The following SLC38A4 variants were observed in gnomAD, a reference collection of about 807,000 sequenced individuals.
SLC38A4 encodes solute carrier family 38 member 4.
In SLC38A4, 20 loss-of-function variants were observed where a neutral mutation model predicts 63.1. The ratio of observed to expected loss-of-function variants is 0.32; its 90% CI spans 0.22 to 0.46. The LOEUF is 0.46. Among genes scored for constraint, SLC38A4 ranks in the 20% least tolerant of loss-of-function variants. The pLI is 1.00. For missense variants in SLC38A4, 526 were observed against 663.6 expected, an observed-to-expected ratio of 0.79 and a Z score of 2.28; for synonymous variants, 230 against 225.5, an observed-to-expected ratio of 1.02 and a Z score of -0.18.
At chr12:46,776,812 T>G (rs371647665) in intron 13 of SLC38A4, 92 bp downstream of exon 13, 3 of 1,076,964 alleles carry the variant, frequency 2.8e-6, no homozygotes. Flanking sequence ...AGCATGCTTA[T>G]AGAAGGCAAT....
chr12:46,825,538 G>A lies in SLC38A4; in HGVS notation c.-305+365C>T, dbSNP rs143336070. Among the ~76,000 whole-genome samples, 20 of 152,204 alleles carry A rather than the reference G, an allele frequency of 1.3e-4. No individual in the cohort carries two copies. In the East Asian group the frequency reaches 3.9e-3, roughly 29 times the overall value. On this transcript the variant is annotated intron_variant, in intron 1 of 16. Coordinates refer to ENST00000266579, the MANE Select transcript of SLC38A4 (RefSeq NM_018018.5). Reference sequence around the variant, plus strand: ...CTGTTTTCCAGTGTTCTCAACCTTTGGATTGCTTTTCAGGCATTCACAAAG... The same window carrying A: ...CTGTTTTCCAGTGTTCTCAACCTTTAGATTGCTTTTCAGGCATTCACAAAG...
At chr12:46,806,696 T>C (rs1188481207) in intron 1 of SLC38A4, among the ~76,000 whole-genome samples, 5 of 151,988 alleles carry the variant, frequency 3.3e-5, no homozygotes, top group Non-Finnish European at 5.9e-5. Context: ...TTTCCTTACA[T>C]AGAGAAAGAG....
chr12:46,825,588 T>A (rs1939633439), intron 1 of SLC38A4, among the ~76,000 whole-genome samples: 1 of 152,168 alleles, frequency 6.6e-6, no homozygotes, highest in Admixed American at 6.5e-5. Context: ...CGAACCCTTT[T>A]AGTTAGATCC....
Position 46,766,409 on chromosome 12 carries a change from C to A in SLC38A4, c.*292G>T. The A allele has an allele frequency of 3.9e-6, 2 of 516,350 alleles. No individual in the cohort carries two copies. The highest frequency in any genetic ancestry group is 7.5e-6 in the Non-Finnish European group (2 of 266,842). 32.0% of individuals were successfully genotyped at this position (516,350 alleles called of 1,614,324 possible). On this transcript the variant is annotated 3_prime_UTR_variant, in exon 17 of 17. Transcript: ENST00000266579. Reference sequence around the variant, plus strand: ...TCTGATGATTGTTACATGCAGTTACCCTTATTCTGCTCGTAAAGCAGCAAA... The same window carrying A: ...TCTGATGATTGTTACATGCAGTTACACTTATTCTGCTCGTAAAGCAGCAAA...
intron 5 of SLC38A4, among the ~76,000 whole-genome samples, chr12:46,786,050 A>G (rs1291499615): frequency 6.6e-6 from 1 of 152,034 alleles, no homozygotes; most frequent in Non-Finnish European, 1.5e-5. Context: ...TGGACCATGA[A>G]TTATAAATTT....
At chr12:46,771,293 A>G (rs1211078329) in intron 14 of SLC38A4, among the ~76,000 whole-genome samples, 1 of 152,146 alleles carries the variant, frequency 6.6e-6, no homozygotes, top group Non-Finnish European at 1.5e-5. Flanking sequence ...ATAGTGCCAG[A>G]GGACTTAATT....
At chr12:46,823,821 A>C (rs1939597358) in intron 1 of SLC38A4, among the ~76,000 whole-genome samples, 1 of 152,214 alleles carries the variant, frequency 6.6e-6, no homozygotes, top group Admixed American at 6.5e-5. Context: ...CCTTCCAGGT[A>C]CTATTCAGAA....
rs1340310898 is a variant in SLC38A4, at chr12:46,765,067, A to T, written c.*1634T>A. ...TTTGTATACTTTTTAGATGAGTGAA[A>T]ATGTAAATATATCCTAAAGATGCTA... On this transcript the variant is annotated 3_prime_UTR_variant, in exon 17 of 17. Transcript: ENST00000266579. The T allele has an allele frequency of 6.6e-6, 1 of 152,622 alleles. No individual in the cohort carries two copies. Among genetic ancestry groups the T allele is most frequent in the Non-Finnish European group, 1.5e-5 (1 of 68,048 alleles). The allele number at this position is 152,622 out of a possible 1,614,324, so 9.5% of individuals were successfully genotyped here. A position where few individuals can be genotyped will look rare whatever the true frequency, so the allele number is the denominator to read the frequency against.
At position 46,813,668 on chromosome 12, in the gene SLC38A4, C is replaced by T. The variant is rs74086125; in HGVS notation, c.-304-9874G>A. ...CACAGATACTGTGTCTTATTCAGCA[C>T]AGCACAGAGTCAAATAGTAGATTCT... On this transcript the variant is annotated intron_variant, in intron 1 of 16. Transcript: ENST00000266579. Among the ~76,000 whole-genome samples the T allele has an allele frequency of 1.9e-3, 290 of 152,138 alleles. 1 individual carries two copies. The highest frequency in any genetic ancestry group is 6.6e-3 in the African/African-American group (274 of 41,568).
chr12:46,790,437 G>A (rs1263516398), intron 3 of SLC38A4, among the ~76,000 whole-genome samples: 1 of 151,980 alleles, frequency 6.6e-6, no homozygotes, highest in African/African-American at 2.4e-5. Context: ...ACTCTTTTGT[G>A]GTTTACATTA....
intron 7 of SLC38A4, among the ~76,000 whole-genome samples, chr12:46,783,020 A>ATGTGTGTGCG: frequency 9.6e-6 from 1 of 103,764 alleles, no homozygotes. Flanking sequence ...GAGAGAGAAA[A>ATGTGTGTGCG]TGTGTGTGTG....
chr12:46,769,413 T>G lies in SLC38A4; in HGVS notation c.1315A>C (p.Ile439Leu). 1.2e-6 allele frequency: 2 copies of G among 1,613,280 alleles called. No individual in the cohort carries two copies. The highest frequency in any genetic ancestry group is 1.7e-6 in the Non-Finnish European group (2 of 1,179,420). The part of the protein sequence containing the change: ...IVLFPIRTSV[I>L]TLLFPKRPFS... ...GGTCGTTTGGGAAATAACAGTGTGA[T>G]CACTGATGTACGAATCTTAAACAAG... Residue 439 changes from isoleucine (I) to leucine (L), a missense_variant, in exon 15 of 17, where the codon ATC becomes CTC. Transcript: ENST00000266579.
At chr12:46,816,709 C>T (rs190302456) in intron 1 of SLC38A4, among the ~76,000 whole-genome samples, 169 of 151,842 alleles carry the variant, frequency 1.1e-3, no homozygotes, top group Non-Finnish European at 1.8e-3. Context: ...TCAGTTAATT[C>T]TAGTGGAGAA....
chr12:46,806,874 A>C (rs938315517), intron 1 of SLC38A4, among the ~76,000 whole-genome samples: 1 of 151,968 alleles, frequency 6.6e-6, no homozygotes, highest in Non-Finnish European at 1.5e-5. Flanking sequence ...ATACCTGTAC[A>C]TTGAGTAAGA....
At chr12:46,814,586 C>G (rs1939401353) in intron 1 of SLC38A4, among the ~76,000 whole-genome samples, 1 of 151,962 alleles carries the variant, frequency 6.6e-6, no homozygotes, top group Admixed American at 6.6e-5. Context: ...TTCACTCACA[C>G]TGTACCATTT....
chr12:46,768,438 G>A, intron 15 of SLC38A4, 31 bp from the exon 16 acceptor site: 2 of 1,523,146 alleles, frequency 1.3e-6, no homozygotes, highest in Non-Finnish European at 1.8e-6. Flanking sequence ...CAAGGTCAAT[G>A]TCTTACCCAG....
At chr12:46,795,569 T>C (rs559809306) in intron 2 of SLC38A4, among the ~76,000 whole-genome samples, 2 of 152,292 alleles carry the variant, frequency 1.3e-5, no homozygotes, top group Admixed American at 1.3e-4. Flanking sequence ...CTATCTTCTT[T>C]CTTCAGTTTA....
chr12:46,769,362 T>C lies in SLC38A4; in HGVS notation c.1366A>G (p.Ile456Val), dbSNP rs1172643447. 2.5e-6 allele frequency: 4 copies of C among 1,613,436 alleles called. No homozygotes were observed. In the East Asian group the frequency reaches 6.7e-5, roughly 27 times the overall value. ...RPFSWIRHFLIAAVLIALNNV... is the reference protein window; with the variant it reads ...RPFSWIRHFLVAAVLIALNNV... Reference sequence around the variant, plus strand: ...TTAAGTGCAATAAGCACAGCTGCAATCAGGAAATGTCGTATCCAGCTGAAG... The same window carrying C: ...TTAAGTGCAATAAGCACAGCTGCAACCAGGAAATGTCGTATCCAGCTGAAG... The change falls in exon 15 of 17, where the codon ATT (isoleucine) becomes GTT (valine). Residue 456 changes from isoleucine to valine, a missense_variant. Ile to Val is a conservative substitution (Grantham distance 29, BLOSUM62 3). Coordinates refer to ENST00000266579, the MANE Select transcript of SLC38A4 (RefSeq NM_018018.5).
chr12:46,831,150 G>A (rs1939726058), intron 1 of SLC38A4, among the ~76,000 whole-genome samples: 3 of 152,230 alleles, frequency 2.0e-5, no homozygotes, highest in South Asian at 4.1e-4. Context: ...CCCCACAACC[G>A]GCACCTGCCC....
Sources: gnomAD v4.1 joint callset for allele counts (sites outside exome capture counted in the v4.1 genomes callset) on GRCh38, gnomAD v4.1.1 for gene constraint, MANE v1.5 for transcripts, NCBI Gene and HGNC (gene_info 2026-07-23, HGNC 2026-07-21) for gene names.